Variants in BICC1 observed in about 807,000 individuals in gnomAD.
BICC1 encodes protein bicaudal C homolog 1.
BICC1 carries 43 observed loss-of-function variants against 111.0 expected under a neutral mutation model. That is an observed-to-expected ratio of 0.39 (90% CI 0.30 to 0.50). The LOEUF (loss-of-function observed/expected upper bound fraction) is 0.50, where lower values mean the gene tolerates loss of function less well. Ranked by LOEUF, BICC1 falls within the 20% of genes least tolerant of loss-of-function variation. The probability of loss-of-function intolerance (pLI) is 0.88; values close to 1 mark genes in which losing one functional copy is unlikely to be tolerated. For missense variants in BICC1, 1,091 were observed against 1,203.2 expected (o/e 0.91, Z 1.38); for synonymous variants, 467 against 434.4 (o/e 1.07, Z -0.93).
rs770216260 is a variant in BICC1 at position 58,632,860 on chromosome 10, T to TA, written c.237+11959_237+11960insA. Among the ~76,000 whole-genome samples, 86 of 143,148 alleles carry TA rather than the reference T, an allele frequency of 6.0e-4. 4 individuals carry two copies. In the South Asian group the frequency reaches 0.018, roughly 30 times the overall value. The allele number at this position is 143,148 out of a possible 152,430, so 93.9% of individuals were successfully genotyped here. ...GGTTTTACATAGATAGATAGATAGA[T>TA]GGATAGATAGATAGATAGATAGATA... On this transcript the variant is annotated intron_variant, in intron 2 of 20. Transcript: ENST00000373886.
intron 3 of BICC1, among the ~76,000 whole-genome samples, chr10:58,720,995 T>C (rs531994545): frequency 6.6e-6 from 1 of 152,182 alleles, no homozygotes; most frequent in Non-Finnish European, 1.5e-5. Context: ...CAGCTTTCCA[T>C]CTCAAGGGCC....
At chr10:58,522,505 A>G (rs1842418585) in intron 1 of BICC1, among the ~76,000 whole-genome samples, 1 of 152,198 alleles carries the variant, frequency 6.6e-6, no homozygotes, top group Non-Finnish European at 1.5e-5. Context: ...CTTTGAAACC[A>G]ACGACAACAA....
At chr10:58,668,564 T>G (rs1036095612) in intron 2 of BICC1, among the ~76,000 whole-genome samples, 1 of 152,116 alleles carries the variant, frequency 6.6e-6, no homozygotes, top group Non-Finnish European at 1.5e-5. Flanking sequence ...AAGGATTGCA[T>G]CAATTTAAAT....
At chr10:58,657,134 T>G (rs1233296613) in intron 2 of BICC1, among the ~76,000 whole-genome samples, 3 of 152,138 alleles carry the variant, frequency 2.0e-5, no homozygotes, top group African/African-American at 7.2e-5. Flanking sequence ...ACCTGAATGC[T>G]CTCCTACTAT....
At chr10:58,771,419 A>G (rs1842619799) in intron 3 of BICC1, among the ~76,000 whole-genome samples, 1 of 152,160 alleles carries the variant, frequency 6.6e-6, no homozygotes, top group African/African-American at 2.4e-5. Context: ...AGTGTCTCCC[A>G]TTAGATCACA....
chr10:58,695,687 T>C (rs931896078), intron 2 of BICC1, among the ~76,000 whole-genome samples: 8 of 152,228 alleles, frequency 5.3e-5, no homozygotes, highest in African/African-American at 1.7e-4. Context: ...AGTAGAATAT[T>C]GCTGGCTTGG....
chr10:58,667,317 C>T (rs1438320315), intron 2 of BICC1, among the ~76,000 whole-genome samples: 1 of 151,868 alleles, frequency 6.6e-6, no homozygotes, highest in Admixed American at 6.6e-5. Flanking sequence ...TATGAGAACA[C>T]AGTAATGATT....
At chr10:58,686,924 C>T (rs554094987) in intron 2 of BICC1, among the ~76,000 whole-genome samples, 19 of 152,248 alleles carry the variant, frequency 1.2e-4, no homozygotes, top group African/African-American at 3.1e-4. Context: ...GGCGAGGAGG[C>T]GCGTTCTTTT....
chr10:58,611,208 A>T (rs1195716513), intron 1 of BICC1, among the ~76,000 whole-genome samples: 2 of 152,328 alleles, frequency 1.3e-5, no homozygotes, highest in South Asian at 2.1e-4. Flanking sequence ...TTTTTACCTG[A>T]ATGTTTTCTA....
intron 2 of BICC1, among the ~76,000 whole-genome samples, chr10:58,691,690 G>A (rs573658843): frequency 6.6e-5 from 10 of 152,290 alleles, no homozygotes; most frequent in African/African-American, 2.4e-4. Flanking sequence ...TTAGCAGAAG[G>A]TTGGAATGGA....
intron 3 of BICC1, among the ~76,000 whole-genome samples, chr10:58,748,686 G>A (rs1211559281): frequency 1.3e-5 from 2 of 152,026 alleles, no homozygotes; most frequent in South Asian, 2.1e-4. Context: ...TAACTTCTCT[G>A]GAGCATGTAG....
intron 1 of BICC1, among the ~76,000 whole-genome samples, chr10:58,618,180 T>C (rs1470656750): frequency 1.3e-5 from 2 of 152,132 alleles, no homozygotes; most frequent in Non-Finnish European, 2.9e-5. Context: ...CCAGAGGCTA[T>C]GTATGAGGCC....
At chr10:58,631,675 C>T (rs978090311) in intron 2 of BICC1, among the ~76,000 whole-genome samples, 3 of 152,080 alleles carry the variant, frequency 2.0e-5, no homozygotes, top group African/African-American at 7.2e-5. Flanking sequence ...TTGTAACTGA[C>T]AATAAGCAAA....
chr10:58,630,992 C>A (rs1157912251), intron 2 of BICC1, among the ~76,000 whole-genome samples: 2 of 151,948 alleles, frequency 1.3e-5, no homozygotes, highest in African/African-American at 2.4e-5. Flanking sequence ...ATATATGTTT[C>A]TTTTTGCTAG....
At chr10:58,648,356 C>T (rs1490219730) in intron 2 of BICC1, among the ~76,000 whole-genome samples, 1 of 152,158 alleles carries the variant, frequency 6.6e-6, no homozygotes, top group Non-Finnish European at 1.5e-5. Context: ...ACTGATCCTT[C>T]AGTGTTTTTT....
At chr10:58,706,110 A>C (rs776519604) in intron 3 of BICC1, among the ~76,000 whole-genome samples, 10 of 152,226 alleles carry the variant, frequency 6.6e-5, no homozygotes, top group South Asian at 2.1e-4. Context: ...TCTCCTTTAC[A>C]TTGAAAAATT....
chr10:58,655,112 AGT>A (rs1201242499), intron 2 of BICC1, among the ~76,000 whole-genome samples: 1 of 141,612 alleles, frequency 7.1e-6, no homozygotes, highest in African/African-American at 2.6e-5. Context: ...GAAGTCAGGT[AGT>A]GTGATGCCTC....
intron 2 of BICC1, among the ~76,000 whole-genome samples, chr10:58,658,270 C>T (rs1259881423): frequency 6.6e-6 from 1 of 152,166 alleles, no homozygotes; most frequent in African/African-American, 2.4e-5. Flanking sequence ...TCACTGCAGC[C>T]TCTGCCATCT....
intron 1 of BICC1, among the ~76,000 whole-genome samples, chr10:58,544,760 T>A (rs986032530): frequency 1.2e-4 from 18 of 152,156 alleles, no homozygotes; most frequent in African/African-American, 4.3e-4. Context: ...TATTACAGGT[T>A]GAATTGTGTC....
Sources: gnomAD v4.1 joint callset for allele counts (sites outside exome capture counted in the v4.1 genomes callset) on GRCh38, gnomAD v4.1.1 for gene constraint, MANE v1.5 for transcripts, NCBI Gene and HGNC (gene_info 2026-07-23, HGNC 2026-07-21) for gene names.